The following TFDP1 variants were observed in gnomAD, a reference collection of about 807,000 sequenced individuals.
TFDP1 encodes DRTF1-polypeptide 1.
A neutral mutation model predicts 48.0 loss-of-function variants in TFDP1; 6 were observed. The ratio of observed to expected loss-of-function variants is 0.13; its 90% confidence interval spans 0.07 to 0.25. The LOEUF (loss-of-function observed/expected upper bound fraction) is 0.25. Among genes scored for constraint, TFDP1 ranks in the 10% least tolerant of loss-of-function variants. The probability of loss-of-function intolerance (pLI) is 1.00; values close to 1 mark genes in which losing one functional copy is unlikely to be tolerated. For synonymous variants in TFDP1, 201 were observed against 211.6 expected (o/e 0.95, Z 0.44); for missense variants, 335 against 543.0 (o/e 0.62, Z 3.81).
At chr13:113,603,975 C>T (rs2048502348) in intron 2 of TFDP1, among the ~76,000 whole-genome samples, 2 of 151,898 alleles carry the variant, frequency 1.3e-5, no homozygotes, top group South Asian at 2.1e-4. Flanking sequence ...CCAGCCTGGG[C>T]AGCGTAATGA....
chr13:113,602,432 G>A (rs1001370097), intron 2 of TFDP1, among the ~76,000 whole-genome samples: 2 of 152,108 alleles, frequency 1.3e-5, no homozygotes, highest in Admixed American at 1.3e-4. Context: ...GGGGCCAGGA[G>A]GGTCCTGGTA....
At chr13:113,638,237 C>G (rs1385241653) in intron 11 of TFDP1, among the ~76,000 whole-genome samples, 1 of 152,088 alleles carries the variant, frequency 6.6e-6, no homozygotes, top group Non-Finnish European at 1.5e-5. Flanking sequence ...TTTTTCAGAA[C>G]GCGTCTGCGG....
intron 2 of TFDP1, among the ~76,000 whole-genome samples, chr13:113,599,983 T>TGA (rs928155645): frequency 6.8e-6 from 1 of 147,006 alleles, no homozygotes. Flanking sequence ...TCCAGGACCA[T>TGA]GAGAGAGAGC....
intron 3 of TFDP1, among the ~76,000 whole-genome samples, chr13:113,615,779 A>G (rs1020668864): frequency 6.6e-6 from 1 of 152,148 alleles, no homozygotes; most frequent in African/African-American, 2.4e-5. Flanking sequence ...ATGGTGGCGC[A>G]TGTCTATAGA....
chr13:113,585,872 G>C (rs764210047), intron 2 of TFDP1, 23 bp downstream of exon 2: 2 of 1,596,232 alleles, frequency 1.3e-6, no homozygotes, highest in Admixed American at 1.7e-5. Flanking sequence ...GCTTCATGCT[G>C]CACACGAATG....
At chr13:113,590,043 G>C (rs2048102321) in intron 2 of TFDP1, among the ~76,000 whole-genome samples, 2 of 152,260 alleles carry the variant, frequency 1.3e-5, no homozygotes, top group South Asian at 2.1e-4. Flanking sequence ...TAGCCCGTGT[G>C]GGGCTGTTTC....
intron 8 of TFDP1, 94 bp downstream of exon 8, chr13:113,634,696 A>G (rs963375230): frequency 3.4e-6 from 3 of 887,344 alleles, no homozygotes; most frequent in Non-Finnish European, 5.3e-6. Context: ...ACACTCCTGC[A>G]TGGCAAATCA....
At chr13:113,617,173 C>A (rs4150751) in intron 3 of TFDP1, among the ~76,000 whole-genome samples, 7 of 152,166 alleles carry the variant, frequency 4.6e-5, no homozygotes, top group African/African-American at 1.7e-4. Flanking sequence ...ATTTGTGCAA[C>A]GGAGGCCTCT....
chr13:113,605,368 C>CTT (rs34042825), intron 2 of TFDP1, among the ~76,000 whole-genome samples: 1 of 151,910 alleles, frequency 6.6e-6, no homozygotes, highest in South Asian at 2.1e-4. Context: ...AAAAGAACCA[C>CTT]TTTTTTTTAA....
At chr13:113,613,245 A>G (rs549163391) in intron 3 of TFDP1, among the ~76,000 whole-genome samples, 192 of 152,318 alleles carry the variant, frequency 1.3e-3, no homozygotes, top group Middle Eastern at 0.01. Flanking sequence ...CGAACTCCTG[A>G]CATCATGATC....
intron 2 of TFDP1, among the ~76,000 whole-genome samples, chr13:113,587,092 C>G (rs1420634863): frequency 6.6e-6 from 1 of 152,162 alleles, no homozygotes; most frequent in African/African-American, 2.4e-5. Flanking sequence ...GGTTCTCAAA[C>G]ACGCTTTGAT....
chr13:113,625,410 T>C (rs1188475554), intron 4 of TFDP1, among the ~76,000 whole-genome samples: 19 of 84,980 alleles, frequency 2.2e-4, no homozygotes, highest in Admixed American at 5.5e-4. Context: ...TGTCCTCAGG[T>C]GTCTCTCACG....
intron 7 of TFDP1, 146 bp downstream of exon 7, chr13:113,634,179 G>A (rs780044334): frequency 3.9e-5 from 45 of 1,161,336 alleles, no homozygotes; most frequent in South Asian, 3.7e-4. Context: ...GTCTCCCTGC[G>A]TTTCTCAGTC....
At position 113,627,390 on chromosome 13, in the gene TFDP1, A is replaced by G. The variant is rs2049209629; in HGVS notation, c.186+4104A>G. 6.6e-6 allele frequency among the ~76,000 whole-genome samples: 1 copy of G among 152,130 alleles called. No homozygotes were observed. The highest frequency in any genetic ancestry group is 2.1e-4 in the South Asian group (1 of 4,834). ...CCTGTGTGAGCCCCTGGGGAGAAGC[A>G]GCCCCCCACCCAGGCCTGTGTCCCA... On this transcript the variant is annotated intron_variant, in intron 4 of 11. Transcript: ENST00000375370. The surrounding 1 kb of genome is among the most constrained non-coding windows in gnomAD (Gnocchi z 4.1).
In TFDP1 at chr13:113,598,660, C is replaced by T. The variant is rs979369634; in HGVS notation, c.13-12336C>T. ...GGCTGTCCCCTGAGGACCTGGGGTTCGTGTTGCCCTCCTGGGTGGAGTCTG... is the reference window on the plus strand; with the variant it reads ...GGCTGTCCCCTGAGGACCTGGGGTTTGTGTTGCCCTCCTGGGTGGAGTCTG... On this transcript the variant is annotated intron_variant, in intron 2 of 11. Transcript: ENST00000375370. The surrounding 1 kb of genome is among the most constrained non-coding windows in gnomAD (Gnocchi z 4.2). Among the ~76,000 whole-genome samples the T allele has an allele frequency of 3.3e-5, 5 of 152,230 alleles. No individual in the cohort carries two copies. Among genetic ancestry groups the T allele is most frequent in the Non-Finnish European group, 7.3e-5 (5 of 68,034 alleles).
chr13:113,595,614 A>G (rs556309370), intron 2 of TFDP1, among the ~76,000 whole-genome samples: 1 of 152,198 alleles, frequency 6.6e-6, no homozygotes, highest in East Asian at 1.9e-4. Context: ...AATCTTCCCA[A>G]ATTTGCACAA....
intron 2 of TFDP1, among the ~76,000 whole-genome samples, chr13:113,590,881 G>A (rs975862002): frequency 1.3e-5 from 2 of 151,810 alleles, no homozygotes; most frequent in Admixed American, 6.6e-5. Flanking sequence ...ATGGTGGTGG[G>A]CGCCTGTAGT....
At position 113,641,454 on chromosome 13, in the gene TFDP1, C is replaced by T. The variant is rs1053752877; in HGVS notation, c.*1187C>T. 6.6e-6 allele frequency: 1 copy of T among 152,198 alleles called. No individual in the cohort carries two copies. The highest frequency in any genetic ancestry group is 2.4e-5 in the African/African-American group (1 of 41,444). 9.4% of individuals were successfully genotyped at this position (152,198 alleles called of 1,614,324 possible). ...ACTGTTAGTTTTTATTAATAAAACG[C>T]GCATGGGCATTTTAAACAAGCTGTG... On this transcript the variant is annotated 3_prime_UTR_variant, in exon 12 of 12. Transcript: ENST00000375370.
chr13:113,614,079 T>TGAG (rs2048791234), intron 3 of TFDP1, among the ~76,000 whole-genome samples: 1 of 151,418 alleles, frequency 6.6e-6, no homozygotes, highest in Non-Finnish European at 1.5e-5. Context: ...GTTGTGTGCA[T>TGAG]GAGATGTATG....
Sources: gnomAD v4.1 joint callset for allele counts (sites outside exome capture counted in the v4.1 genomes callset) on GRCh38, gnomAD v4.1.1 for gene constraint, Gnocchi (gnomAD v3.1) non-coding constraint, MANE v1.5 for transcripts, NCBI Gene and HGNC (gene_info 2026-07-23, HGNC 2026-07-21) for gene names.